HS6ST3: variants seen among roughly 807,000 people sequenced by gnomAD.
HS6ST3 encodes the protein heparan-sulfate 6-O-sulfotransferase 3.
Under a neutral mutation model 36.7 loss-of-function variants are expected in HS6ST3, and 12 were observed. That is an observed-to-expected ratio of 0.33 (90% CI 0.21 to 0.53). The LOEUF is 0.53. Among genes scored for constraint, HS6ST3 ranks in the 20% least tolerant of loss-of-function variants. The pLI is 0.95. For synonymous variants in HS6ST3, 240 were observed against 257.5 expected, an observed-to-expected ratio of 0.93 and a Z score of 0.65; for missense variants, 584 against 640.9, an observed-to-expected ratio of 0.91 and a Z score of 0.96.
At chr13:96,729,017 C>T (rs1225624785) in intron 1 of HS6ST3, among the ~76,000 whole-genome samples, 1 of 152,160 alleles carries the variant, frequency 6.6e-6, no homozygotes, top group African/African-American at 2.4e-5. Context: ...TGTAAGAATG[C>T]ATAGGGAATG....
intron 1 of HS6ST3, among the ~76,000 whole-genome samples, chr13:96,656,787 G>T (rs1210533823): frequency 1.3e-5 from 2 of 152,100 alleles, no homozygotes; most frequent in African/African-American, 4.8e-5. Context: ...CCAAGCTTTA[G>T]GCAAGTTCTA....
chr13:96,519,910 A>G (rs2056086670), intron 1 of HS6ST3, among the ~76,000 whole-genome samples: 1 of 152,192 alleles, frequency 6.6e-6, no homozygotes, highest in Non-Finnish European at 1.5e-5. Context: ...GGACCCTTCA[A>G]TATCAAAAAT....
intron 1 of HS6ST3, among the ~76,000 whole-genome samples, chr13:96,417,702 A>G (rs556435586): frequency 2.2e-5 from 3 of 134,306 alleles, no homozygotes; most frequent in Admixed American, 7.5e-5. Context: ...CTATATATTT[A>G]TATGTACGTA....
At chr13:96,173,263 G>A (rs1275579449) in intron 1 of HS6ST3, among the ~76,000 whole-genome samples, 3 of 152,148 alleles carry the variant, frequency 2.0e-5, no homozygotes, top group African/African-American at 7.2e-5. Context: ...AAGAAACTGA[G>A]TCTCCCAGAG....
chr13:96,239,714 A>C (rs2054551327), intron 1 of HS6ST3, among the ~76,000 whole-genome samples: 2 of 152,240 alleles, frequency 1.3e-5, no homozygotes, highest in Non-Finnish European at 2.9e-5. Flanking sequence ...AGACACAAAT[A>C]CAGTATATGG....
rs377148027 is a variant in HS6ST3, at chr13:96,339,709, AG to A, written c.707+248142del. Among the ~76,000 whole-genome samples, 534 of 152,316 alleles carry A rather than the reference AG, an allele frequency of 3.5e-3. 7 individuals carry two copies. Among genetic ancestry groups the A allele is most frequent in the African/African-American group, 0.012 (515 of 41,570 alleles). On this transcript the variant is annotated intron_variant, in intron 1 of 1. Transcript: ENST00000376705. ...CTGCCCAGCTCTTCAGACAATCCCT[AG>A]GCCTCCCCAGACCACCCCCATCAAT...
chr13:96,406,587 A>T (rs536259159), intron 1 of HS6ST3, among the ~76,000 whole-genome samples: 5 of 152,330 alleles, frequency 3.3e-5, no homozygotes, highest in African/African-American at 1.2e-4. Context: ...CAAGGTAGGA[A>T]TTGCGCTATA....
intron 1 of HS6ST3, among the ~76,000 whole-genome samples, chr13:96,602,635 T>G (rs2056425687): frequency 2.0e-5 from 3 of 152,156 alleles, no homozygotes. Context: ...ATGGGCCCAC[T>G]AAAGTTGTCC....
At chr13:96,165,624 A>T (rs1300363684) in intron 1 of HS6ST3, among the ~76,000 whole-genome samples, 1 of 152,160 alleles carries the variant, frequency 6.6e-6, no homozygotes, top group East Asian at 1.9e-4. Context: ...TTCTGTTGTC[A>T]TCACTTGTGA....
intron 1 of HS6ST3, among the ~76,000 whole-genome samples, chr13:96,268,685 A>G (rs758692449): frequency 1.3e-5 from 2 of 151,992 alleles, no homozygotes; most frequent in South Asian, 4.1e-4. Flanking sequence ...CTGGATATAG[A>G]TGTGAGATAT....
chr13:96,822,166 G>A (rs566619184), intron 1 of HS6ST3, among the ~76,000 whole-genome samples: 1 of 152,310 alleles, frequency 6.6e-6, no homozygotes, highest in South Asian at 2.1e-4. Flanking sequence ...TGGGATTAGA[G>A]CTGCCAGTGA....
intron 1 of HS6ST3, among the ~76,000 whole-genome samples, chr13:96,670,719 A>G (rs1007412131): frequency 6.6e-6 from 1 of 152,198 alleles, no homozygotes; most frequent in Non-Finnish European, 1.5e-5. Context: ...TTTTTGAATT[A>G]AATTTTGATT....
At chr13:96,295,231 A>G (rs1323417876) in intron 1 of HS6ST3, among the ~76,000 whole-genome samples, 1 of 152,144 alleles carries the variant, frequency 6.6e-6, no homozygotes, top group Admixed American at 6.6e-5. Context: ...TTTGCTGATA[A>G]TAATACCTCC....
intron 1 of HS6ST3, among the ~76,000 whole-genome samples, chr13:96,727,235 G>A (rs1376592561): frequency 6.6e-6 from 1 of 152,264 alleles, no homozygotes; most frequent in African/African-American, 2.4e-5. Context: ...CATCTGTAAA[G>A]TGGGGATAAT....
At position 96,476,183 on chromosome 13, in the gene HS6ST3, C is replaced by T. The variant is rs78430526; in HGVS notation, c.708-356307C>T. On this transcript the variant is annotated intron_variant, in intron 1 of 1. Transcript: ENST00000376705. ...AAATGGACATGATAAGAGGAAGCTA[C>T]CTTCATCTTTGCTGGAGTCTTAACA... Among the ~76,000 whole-genome samples, 935 of 152,200 alleles carry T rather than the reference C, an allele frequency of 6.1e-3. 7 individuals carry two copies. The highest frequency in any genetic ancestry group is 0.021 in the African/African-American group (890 of 41,512).
intron 1 of HS6ST3, among the ~76,000 whole-genome samples, chr13:96,688,026 T>C (rs965570662): frequency 1.5e-5 from 2 of 135,386 alleles, no homozygotes; most frequent in Non-Finnish European, 3.1e-5. Flanking sequence ...ATGAGAACAC[T>C]TGGACACAGG....
chr13:96,627,633 ACTCT>A (rs751634105), intron 1 of HS6ST3, among the ~76,000 whole-genome samples: 1 of 150,764 alleles, frequency 6.6e-6, no homozygotes, highest in Non-Finnish European at 1.5e-5. Flanking sequence ...TAATAGTAAG[ACTCT>A]CTATGTAAAG....
intron 1 of HS6ST3, among the ~76,000 whole-genome samples, chr13:96,644,201 A>G (rs1456750141): frequency 1.3e-5 from 2 of 151,992 alleles, no homozygotes; most frequent in Non-Finnish European, 2.9e-5. Context: ...ACAAAAGAAG[A>G]AAAATACTTT....
At chr13:96,301,291 G>C (rs974529276) in intron 1 of HS6ST3, among the ~76,000 whole-genome samples, 2 of 152,050 alleles carry the variant, frequency 1.3e-5, no homozygotes, top group African/African-American at 2.4e-5. Flanking sequence ...GAAACACTTT[G>C]GCAAGAAGAG....
Sources: gnomAD v4.1 joint callset for allele counts (sites outside exome capture counted in the v4.1 genomes callset) on GRCh38, gnomAD v4.1.1 for gene constraint, MANE v1.5 for transcripts, NCBI Gene and HGNC (gene_info 2026-07-23, HGNC 2026-07-21) for gene names.